Variants in DNAH7 observed in about 807,000 individuals in gnomAD.
DNAH7 encodes axonemal beta dynein heavy chain 7.
In DNAH7, 397 loss-of-function variants were observed where a neutral mutation model predicts 444.6. That is an observed-to-expected ratio of 0.89 (90% confidence interval 0.82 to 0.97). The LOEUF (loss-of-function observed/expected upper bound fraction) is 0.97, where lower values mean the gene tolerates loss of function less well. DNAH7 is among the 50% of genes least tolerant of loss of function. DNAH7 has a pLI of 0.00. For missense variants in DNAH7, 4,902 were observed against 4,800.8 expected, an observed-to-expected ratio of 1.02 and a Z score of -0.62; for synonymous variants, 1,636 against 1,624.4, an observed-to-expected ratio of 1.01 and a Z score of -0.17.
chr2:195,923,711 C>A lies in DNAH7; in HGVS notation c.3709G>T (p.Gly1237Ter), dbSNP rs772352977. 2 of 1,613,984 alleles carry A rather than the reference C, an allele frequency of 1.2e-6. No individual in the cohort carries two copies. Among genetic ancestry groups the A allele is most frequent in the Admixed American group, 3.3e-5 (2 of 60,002 alleles). ...KLSMQNRVTL[G>*]ALVVLDVHAR... ...TGGACATCCAGTACCACAAGTGCTC[C>A]CAGAGTTACGCGATTCTGCATGGAC... The change falls in exon 23 of 65, where the codon GGA becomes TGA. Residue 1237 changes from glycine to a stop codon, truncating the protein, a stop_gained. Coordinates refer to ENST00000312428, the MANE Select transcript of DNAH7 (RefSeq NM_018897.3). LOFTEE classifies it high-confidence loss of function.
chr2:195,905,708 T>C (rs896876895), intron 27 of DNAH7: 2 of 152,138 alleles, frequency 1.3e-5, no homozygotes, highest in African/African-American at 2.4e-5. Flanking sequence ...TGTCATATTT[T>C]ACTAATAATC....
intron 30 of DNAH7, chr2:195,894,330 T>C (rs980575410): frequency 2.6e-5 from 4 of 152,034 alleles, no homozygotes; most frequent in Non-Finnish European, 4.4e-5. Flanking sequence ...AACAGAAAAG[T>C]AAGTAATTTC....
chr2:196,037,965 A>G (rs1031288364), intron 5 of DNAH7, among the ~76,000 whole-genome samples: 5 of 152,208 alleles, frequency 3.3e-5, no homozygotes. Context: ...TCAAAAGTCA[A>G]AGACAAAGAA....
Position 195,888,380 on chromosome 2 carries a change from G to A in DNAH7, c.5284C>T (p.Leu1762=). 1 of 1,606,610 alleles carries A rather than the reference G, an allele frequency of 6.2e-7. No homozygotes were observed. Among genetic ancestry groups the A allele is most frequent in the South Asian group, 1.1e-5 (1 of 89,146 alleles). Residue 1762 remains leucine (L), a synonymous_variant, in exon 33 of 65, where the codon CTG becomes TTG. Transcript: ENST00000312428. ...MEPHMLGWRP[L]MLSWVNLLPA... Reference sequence around the variant, plus strand: ...AACAGATTCACCCAGGACAACATCAGTGGTCTCCAGCCTAACATGTGAGGC... The same window carrying A: ...AACAGATTCACCCAGGACAACATCAATGGTCTCCAGCCTAACATGTGAGGC...
At chr2:195,812,851 C>T (rs1227778313) in intron 51 of DNAH7, among the ~76,000 whole-genome samples, 1 of 152,138 alleles carries the variant, frequency 6.6e-6, no homozygotes, top group Non-Finnish European at 1.5e-5. Context: ...CAATGATTGG[C>T]AGAAAAACAG....
In DNAH7 at chr2:196,047,505, AT is replaced by A; in HGVS notation, c.251-7del. The stretch of plus-strand genomic sequence containing the variant: ...AAAACGTTCCATGTATTCAGCTTAA[AT>A]TAAAACAAAAAAAAAAGCACAATTA... On this transcript the variant is annotated splice_region_variant and splice_polypyrimidine_tract_variant and intron_variant, in intron 4 of 64. Coordinates refer to ENST00000312428, the MANE Select transcript of DNAH7 (RefSeq NM_018897.3). 3.2e-6 allele frequency: 5 copies of A among 1,542,840 alleles called. No individual in the cohort carries two copies. Among genetic ancestry groups the A allele is most frequent in the Admixed American group, 3.8e-5 (2 of 52,810 alleles).
intron 57 of DNAH7, among the ~76,000 whole-genome samples, chr2:195,790,227 A>C (rs868452639): frequency 1.3e-5 from 2 of 152,176 alleles, no homozygotes; most frequent in South Asian, 4.1e-4. Flanking sequence ...GGAAGAATCA[A>C]TACTGTTAAA....
chr2:195,934,090 C>T (rs1000075955), intron 21 of DNAH7, among the ~76,000 whole-genome samples: 5 of 151,358 alleles, frequency 3.3e-5, no homozygotes, highest in African/African-American at 1.2e-4. Flanking sequence ...AAAGTAATCA[C>T]AAATGATTGA....
At chr2:195,945,857 A>T (rs772443624) in intron 19 of DNAH7, among the ~76,000 whole-genome samples, 2 of 152,196 alleles carry the variant, frequency 1.3e-5, no homozygotes, top group Non-Finnish European at 2.9e-5. Context: ...GTCAAAAACC[A>T]AGTTTGGGGG....
At chr2:195,847,753 A>G (rs555072305) in intron 46 of DNAH7, among the ~76,000 whole-genome samples, 74 of 152,318 alleles carry the variant, frequency 4.9e-4, no homozygotes, top group African/African-American at 1.5e-3. Flanking sequence ...ATACAATATT[A>G]TAGTAGAAAA....
intron 27 of DNAH7, chr2:195,901,852 T>C (rs1686732026): frequency 1.3e-5 from 2 of 152,186 alleles, no homozygotes; most frequent in Admixed American, 6.6e-5. Flanking sequence ...GATAACTTTT[T>C]CTCATGATAT....
At chr2:195,913,585 T>TTA (rs1687487304) in intron 24 of DNAH7, among the ~76,000 whole-genome samples, 1 of 152,226 alleles carries the variant, frequency 6.6e-6, no homozygotes, top group South Asian at 2.1e-4. Flanking sequence ...TATAAATGTG[T>TTA]TATACTTGGT....
At chr2:195,999,282 T>C (rs776631297) in intron 12 of DNAH7, 51 of 707,798 alleles carry the variant, frequency 7.2e-5, no homozygotes, top group Middle Eastern at 2.4e-4. Context: ...CCTTAAGAAT[T>C]TGTAACCACA....
At chr2:195,934,046 A>C (rs976572155) in intron 21 of DNAH7, among the ~76,000 whole-genome samples, 2 of 152,008 alleles carry the variant, frequency 1.3e-5, no homozygotes, top group African/African-American at 4.8e-5. Flanking sequence ...CTCAATCTTT[A>C]TTTATTGGTG....
chr2:195,994,423 G>A (rs1693557853), intron 12 of DNAH7: 2 of 704,986 alleles, frequency 2.8e-6, no homozygotes, highest in African/African-American at 1.8e-5. Flanking sequence ...TCAGTCTGCT[G>A]TAAAAAGTTG....
intron 9 of DNAH7, among the ~76,000 whole-genome samples, chr2:196,015,716 A>G (rs2125735402): frequency 6.6e-6 from 1 of 152,318 alleles, no homozygotes; most frequent in South Asian, 2.1e-4. Context: ...TTTTGCATTA[A>G]CATTCCCCAA....
At position 196,000,869 on chromosome 2, in the gene DNAH7, A is replaced by T. The variant is rs1172782401; in HGVS notation, c.1188T>A (p.Ala396=). The change falls in exon 12 of 65, where the codon GCT becomes GCA. Residue 396 remains alanine (A), a synonymous_variant. Coordinates refer to ENST00000312428, the MANE Select transcript of DNAH7 (RefSeq NM_018897.3). ...TCATGATGAAACCTGGATGTTCAAA[A>T]GCTCTAACAGAATCCTGCAAAAAAT... ...LIAQPPDSVR[A]FEHPGFIMRL... is the part of the protein sequence containing the mutation. 1.3e-6 allele frequency: 2 copies of T among 1,570,320 alleles called. No homozygotes were observed.
intron 21 of DNAH7, 126 bp downstream of exon 21, chr2:195,934,465 A>G (rs1422782526): frequency 1.7e-5 from 17 of 1,020,482 alleles, no homozygotes; most frequent in Non-Finnish European, 2.5e-5. Context: ...GTTATCTATC[A>G]CATTTGAATT....
In DNAH7 at chr2:195,834,249, G is replaced by A. The variant is rs1266343703; in HGVS notation, c.9057C>T (p.Asp3019=). ...TGCAATTTTCCAGAGTCCTGACATA[G>A]TCAGGTTCACTAAGTTTAATCACAT... ...SLYVIKLSEP[D]YVRTLENCIQ... is the part of the protein sequence containing the mutation. Residue 3019 remains aspartate, a synonymous_variant, in exon 48 of 65, where the codon GAC becomes GAT. Transcript: ENST00000312428. 2 of 1,608,186 alleles carry A rather than the reference G, an allele frequency of 1.2e-6. No homozygotes were observed. The highest frequency in any genetic ancestry group is 1.7e-6 in the Non-Finnish European group (2 of 1,175,576).
Sources: allele counts gnomAD v4.1 joint callset (sites outside exome capture counted in the v4.1 genomes callset), GRCh38; gene constraint gnomAD v4.1.1; transcripts MANE v1.5; gene names NCBI Gene and HGNC (gene_info 2026-07-23, HGNC 2026-07-21).